Variants in TRMT9B observed in about 807,000 individuals in gnomAD.
TRMT9B encodes the protein probable tRNA methyltransferase 9B.
In TRMT9B, 16 loss-of-function variants were observed where a neutral mutation model predicts 11.5. The observed-to-expected ratio is 1.39, with a 90% CI of 0.94 to 2.11. The LOEUF is 2.11. TRMT9B is among the 30% of genes most tolerant of loss of function. TRMT9B has a pLI of 0.00. For missense variants in TRMT9B, 941 were observed against 553.8 expected (o/e 1.70, Z -7.02); for synonymous variants, 274 against 192.4 (o/e 1.42, Z -3.51).
intron 1 of TRMT9B, among the ~76,000 whole-genome samples, chr8:12,955,757 A>C (rs1801219437): frequency 6.6e-6 from 1 of 152,200 alleles, no homozygotes; most frequent in Non-Finnish European, 1.5e-5. Context: ...GAATATGAGA[A>C]TTAGATGCTC....
At chr8:12,974,954 T>G (rs1585157791) in intron 1 of TRMT9B, among the ~76,000 whole-genome samples, 1 of 151,056 alleles carries the variant, frequency 6.6e-6, no homozygotes, top group East Asian at 1.9e-4. Context: ...TGAAAGAACT[T>G]TGCCATAAAA....
chr8:13,011,064 A>G (rs933877477), intron 3 of TRMT9B: 1 of 438,446 alleles, frequency 2.3e-6, no homozygotes, highest in Non-Finnish European at 3.0e-6. Context: ...AGCTCACTGC[A>G]ACCTCCACCT....
At chr8:12,952,747 T>G (rs1371508877) in intron 1 of TRMT9B, 35 of 923,532 alleles carry the variant, frequency 3.8e-5, no homozygotes, top group African/African-American at 7.1e-5. Flanking sequence ...TGGGGTTTTT[T>G]TTGTTGTTGT....
intron 2 of TRMT9B, among the ~76,000 whole-genome samples, chr8:12,999,735 CACATG>C (rs758239176): frequency 1.3e-5 from 2 of 152,008 alleles, no homozygotes; most frequent in African/African-American, 2.4e-5. Context: ...TACTTTACAG[CACATG>C]ACATATTTCA....
rs555383 is a variant in TRMT9B, at chr8:13,023,282, G to T, written c.*1238G>T. The stretch of plus-strand genomic sequence containing the variant: ...GAATCTAAGTGAAGCACTGATTTTA[G>T]CTCTGAGAACAAACAAATTAAGGTA... On this transcript the variant is annotated 3_prime_UTR_variant, in exon 5 of 5. Transcript: ENST00000524591. 2,420 of 167,174 alleles carry T rather than the reference G, an allele frequency of 0.014. 71 individuals are homozygous for T. The highest frequency in any genetic ancestry group is 0.054 in the African/African-American group (2,263 of 41,552). The allele number at this position is 167,174 out of a possible 1,614,324, so 10.4% of individuals were successfully genotyped here. A position where few individuals can be genotyped will look rare whatever the true frequency, so the allele number is the denominator to read the frequency against.
intron 1 of TRMT9B, among the ~76,000 whole-genome samples, chr8:12,986,645 C>A (rs924638267): frequency 6.6e-6 from 1 of 152,174 alleles, no homozygotes; most frequent in South Asian, 2.1e-4. Flanking sequence ...ATGGCCATTA[C>A]TAAAGTTTCC....
intron 4 of TRMT9B, among the ~76,000 whole-genome samples, chr8:13,014,294 C>G (rs1812212686): frequency 6.6e-6 from 1 of 152,174 alleles, no homozygotes; most frequent in Non-Finnish European, 1.5e-5. Flanking sequence ...CCTGCTATAG[C>G]AAAATACCAT....
intron 3 of TRMT9B, chr8:13,012,470 G>A (rs931068601): frequency 7.1e-6 from 4 of 560,406 alleles, no homozygotes; most frequent in Non-Finnish European, 7.8e-6. Flanking sequence ...ACCTACTCGG[G>A]AGGCTAAGGC....
At chr8:12,961,012 G>A (rs915955468) in intron 1 of TRMT9B, among the ~76,000 whole-genome samples, 5 of 152,010 alleles carry the variant, frequency 3.3e-5, no homozygotes, top group African/African-American at 4.8e-5. Flanking sequence ...GTGATGGTGC[G>A]TGCCTGTAGT....
chr8:12,975,392 A>G (rs1193480002), intron 1 of TRMT9B, among the ~76,000 whole-genome samples: 1 of 152,084 alleles, frequency 6.6e-6, no homozygotes, highest in Non-Finnish European at 1.5e-5. Context: ...GAACTTATTA[A>G]TTGCTCCTTT....
In TRMT9B at chr8:13,012,703, T is replaced by C. The variant is rs761798661; in HGVS notation, c.174T>C (p.Tyr58=). ...TTATAGGTTGTGGGACTGGAAAATA[T>C]CTTAAAGTGAACAGCCAGGTACATA... ...IADIGCGTGK[Y]LKVNSQVHTV... is the part of the protein sequence containing the mutation. The change falls in exon 4 of 5, where the codon TAT becomes TAC. Residue 58 remains tyrosine, a synonymous_variant. Transcript: ENST00000524591. The C allele has an allele frequency of 9.9e-6, 16 of 1,613,542 alleles. No individual in the cohort carries two copies. The highest frequency in any genetic ancestry group is 1.7e-5 in the Admixed American group (1 of 59,996).
chr8:12,998,482 C>T (rs1258670808), intron 2 of TRMT9B, among the ~76,000 whole-genome samples: 3 of 152,188 alleles, frequency 2.0e-5, no homozygotes, highest in African/African-American at 7.2e-5. Context: ...CAGAAAGAAA[C>T]TCAAGATAGA....
At chr8:12,990,808 T>C (rs948561555) in intron 1 of TRMT9B, 26 bp from the exon 2 acceptor site, 3 of 1,273,624 alleles carry the variant, frequency 2.4e-6, no homozygotes, top group Non-Finnish European at 3.1e-6. Flanking sequence ...TGAAATGACA[T>C]TTAGTATTTG....
At chr8:12,949,301 A>C (rs149204975) in intron 1 of TRMT9B, among the ~76,000 whole-genome samples, 41 of 152,264 alleles carry the variant, frequency 2.7e-4, no homozygotes, top group Non-Finnish European at 3.5e-4. Context: ...ATAATGAGAA[A>C]ATAATGCAAT....
chr8:13,003,191 A>G (rs1809784154), intron 2 of TRMT9B, among the ~76,000 whole-genome samples: 1 of 152,192 alleles, frequency 6.6e-6, no homozygotes, highest in Non-Finnish European at 1.5e-5. Context: ...CTGTAGAGGT[A>G]TGCATGGGAT....
chr8:13,019,706 A>G (rs776911781), intron 4 of TRMT9B, among the ~76,000 whole-genome samples: 10 of 152,186 alleles, frequency 6.6e-5, no homozygotes, highest in Non-Finnish European at 1.5e-4. Context: ...TCAGGACTCT[A>G]CTTCTAGAAA....
intron 1 of TRMT9B, among the ~76,000 whole-genome samples, chr8:12,946,621 C>A (rs1324438850): frequency 1.3e-5 from 2 of 149,488 alleles, no homozygotes; most frequent in African/African-American, 4.9e-5. Context: ...ATGAGAAGAC[C>A]AATTCAGAGA....
chr8:13,024,592 G>T lies in TRMT9B; in HGVS notation c.*2548G>T, dbSNP rs1306341155. On this transcript the variant is annotated 3_prime_UTR_variant, in exon 5 of 5. Transcript: ENST00000524591. ...GCCTACCAGTTAAAAGTCAAGACTT[G>T]GTGGAACTCAGTTTACCAGACTCTT... 1 of 167,052 alleles carries T rather than the reference G, an allele frequency of 6.0e-6. No individual in the cohort carries two copies. The highest frequency in any genetic ancestry group is 1.5e-5 in the Non-Finnish European group (1 of 68,146). The allele number at this position is 167,052 out of a possible 1,614,324, so 10.3% of individuals were successfully genotyped here. A position where few individuals can be genotyped will look rare whatever the true frequency, so the allele number is the denominator to read the frequency against.
intron 2 of TRMT9B, among the ~76,000 whole-genome samples, chr8:13,001,496 A>G (rs564731296): frequency 1.3e-5 from 2 of 152,362 alleles, no homozygotes; most frequent in South Asian, 2.1e-4. Flanking sequence ...TAGATAACAT[A>G]CTTCACTAAA....
Sources: gnomAD v4.1 joint callset for allele counts (sites outside exome capture counted in the v4.1 genomes callset) on GRCh38, gnomAD v4.1.1 for gene constraint, MANE v1.5 for transcripts, NCBI Gene and HGNC (gene_info 2026-07-23, HGNC 2026-07-21) for gene names.